IL1RAPL2: variants seen among roughly 807,000 people sequenced by gnomAD.
IL1RAPL2 encodes X-linked interleukin-1 receptor accessory protein-like 2.
Under a neutral mutation model 44.1 loss-of-function variants are expected in IL1RAPL2, and 3 were observed. The ratio of observed to expected loss-of-function variants is 0.07; its 90% CI spans 0.03 to 0.18. IL1RAPL2 has a LOEUF of 0.18. Ranked by LOEUF, IL1RAPL2 falls within the 10% of genes least tolerant of loss-of-function variation. IL1RAPL2 has a pLI of 1.00. For missense variants in IL1RAPL2, 391 were observed against 496.4 expected (o/e 0.79, Z 2.02); for synonymous variants, 181 against 178.8 (o/e 1.01, Z -0.10).
intron 2 of IL1RAPL2, among the ~76,000 whole-genome samples, chrX:105,031,637 T>C (rs111425718): frequency 0.024 from 2,643 of 111,815 alleles, 64 homozygotes; most frequent in African/African-American, 0.082. Context: ...GCTGCTGGAT[T>C]CGGATTGCCA....
intron 5 of IL1RAPL2, among the ~76,000 whole-genome samples, chrX:105,478,801 A>G (rs1172238429): frequency 6.3e-5 from 7 of 112,000 alleles, no homozygotes; most frequent in Non-Finnish European, 1.3e-4. Context: ...TTTTAGAGAA[A>G]GAATACCACC....
Position 105,410,342 on chromosome X carries a change from A to G in IL1RAPL2, c.698-73971A>G, listed in dbSNP as rs143819463. On this transcript the variant is annotated intron_variant, in intron 5 of 10. Transcript: ENST00000372582. ...TGAGGTAGGAAAAAAATAAAGAGAG[A>G]CTATAGGAGGAGGCAACACCAAGAG... Among the ~76,000 whole-genome samples, 858 of 109,750 alleles carry G rather than the reference A, an allele frequency of 7.8e-3. 8 individuals carry two copies. The highest frequency in any genetic ancestry group is 0.013 in the Non-Finnish European group (703 of 52,471).
At chrX:105,163,352 T>C (rs981891956) in intron 2 of IL1RAPL2, among the ~76,000 whole-genome samples, 1 of 111,806 alleles carries the variant, frequency 8.9e-6, no homozygotes, top group Non-Finnish European at 1.9e-5. Flanking sequence ...ACCAGGTTTG[T>C]AGTTACTTAT....
At chrX:105,078,541 C>A (rs780521638) in intron 2 of IL1RAPL2, among the ~76,000 whole-genome samples, 126 of 112,270 alleles carry the variant, frequency 1.1e-3, no homozygotes, top group Non-Finnish European at 1.8e-3. Flanking sequence ...GCTGGGAGAA[C>A]CACTACTCTC....
intron 5 of IL1RAPL2, among the ~76,000 whole-genome samples, chrX:105,463,625 C>T (rs1234967868): frequency 1.8e-5 from 2 of 109,657 alleles, no homozygotes; most frequent in Non-Finnish European, 3.8e-5. Context: ...CTTGTGCCCA[C>T]GTGGAAGACA....
intron 2 of IL1RAPL2, among the ~76,000 whole-genome samples, chrX:105,100,025 A>G (rs767386466): frequency 9.0e-6 from 1 of 111,515 alleles, no homozygotes; most frequent in Non-Finnish European, 1.9e-5. Context: ...GTACAGTACA[A>G]TAAGATATTT....
At chrX:105,080,161 C>CTG (rs2032382724) in intron 2 of IL1RAPL2, among the ~76,000 whole-genome samples, 1 of 111,968 alleles carries the variant, frequency 8.9e-6, no homozygotes, top group Admixed American at 9.4e-5. Flanking sequence ...TTCTACCATT[C>CTG]TGTAGGTTGC....
chrX:105,694,525 T>C (rs1465400816), intron 6 of IL1RAPL2, among the ~76,000 whole-genome samples: 1 of 111,474 alleles, frequency 9.0e-6, no homozygotes, highest in Non-Finnish European at 1.9e-5. Context: ...CCCAGAGAGG[T>C]TAAATCATTT....
intron 1 of IL1RAPL2, among the ~76,000 whole-genome samples, chrX:104,620,283 T>C (rs1825145501): frequency 9.1e-6 from 1 of 109,917 alleles, no homozygotes. Context: ...ACTATAGAAC[T>C]TCTCCATGTA....
chrX:104,853,902 C>CAAAAAA (rs11364619), intron 2 of IL1RAPL2, among the ~76,000 whole-genome samples: 1 of 43,734 alleles, frequency 2.3e-5, no homozygotes, highest in African/African-American at 8.8e-5. Flanking sequence ...GACTCCGTCT[C>CAAAAAA]AAAAAAAAAA....
chrX:105,231,559 C>T (rs781865577), intron 3 of IL1RAPL2, among the ~76,000 whole-genome samples: 4 of 112,320 alleles, frequency 3.6e-5, no homozygotes, highest in Non-Finnish European at 7.5e-5. Flanking sequence ...AATCAACTAA[C>T]GTTTACTAAG....
chrX:104,664,517 T>A (rs1308982368), intron 2 of IL1RAPL2, among the ~76,000 whole-genome samples: 1 of 111,611 alleles, frequency 9.0e-6, no homozygotes, highest in Non-Finnish European at 1.9e-5. Context: ...TTCTCCGAGA[T>A]CACAGCTTAA....
chrX:105,404,946 G>A (rs1220226679), intron 5 of IL1RAPL2, among the ~76,000 whole-genome samples: 1 of 111,810 alleles, frequency 8.9e-6, no homozygotes, highest in Non-Finnish European at 1.9e-5. Flanking sequence ...CCAAGTTTAT[G>A]TATTTCCTAT....
chrX:105,476,817 T>C (rs1394857564), intron 5 of IL1RAPL2, among the ~76,000 whole-genome samples: 2 of 112,152 alleles, frequency 1.8e-5, no homozygotes, highest in African/African-American at 6.5e-5. Context: ...GATTCACTCA[T>C]AGTAATGCTG....
chrX:105,615,708 A>G (rs1358583004), intron 6 of IL1RAPL2, among the ~76,000 whole-genome samples: 3 of 112,073 alleles, frequency 2.7e-5, no homozygotes, highest in Non-Finnish European at 5.6e-5. Context: ...GGTTGGAGGG[A>G]TGGCTAATGG....
chrX:105,760,928 C>G (rs1426756965), intron 10 of IL1RAPL2, among the ~76,000 whole-genome samples: 3 of 111,080 alleles, frequency 2.7e-5, no homozygotes, highest in Admixed American at 1.9e-4. Flanking sequence ...CCTGTAATCC[C>G]AGCACTTTGG....
intron 2 of IL1RAPL2, among the ~76,000 whole-genome samples, chrX:104,887,610 G>C (rs932556086): frequency 9.0e-6 from 1 of 111,610 alleles, no homozygotes; most frequent in Non-Finnish European, 1.9e-5. Context: ...TTAGATACCA[G>C]GCACTACTCC....
chrX:105,747,968 G>A (rs1050525214), intron 8 of IL1RAPL2, among the ~76,000 whole-genome samples: 8 of 111,083 alleles, frequency 7.2e-5, no homozygotes, highest in South Asian at 3.8e-4. Flanking sequence ...TAATGAGACC[G>A]ATAATGTCCC....
intron 2 of IL1RAPL2, among the ~76,000 whole-genome samples, chrX:105,028,756 G>T (rs1218891527): frequency 9.1e-6 from 1 of 110,150 alleles, no homozygotes; most frequent in Non-Finnish European, 1.9e-5. Flanking sequence ...AAATATAAGG[G>T]CATATCAAAG....
Sources: gnomAD v4.1 joint callset for allele counts (sites outside exome capture counted in the v4.1 genomes callset) on GRCh38, gnomAD v4.1.1 for gene constraint, MANE v1.5 for transcripts, NCBI Gene and HGNC (gene_info 2026-07-23, HGNC 2026-07-21) for gene names.